ZNF675: variants seen among roughly 807,000 people sequenced by gnomAD.
ZNF675 encodes zinc finger protein 675.
Under a neutral mutation model 56.1 loss-of-function variants are expected in ZNF675, and 36 were observed. The observed-to-expected ratio is 0.64, with a 90% CI of 0.49 to 0.85. The LOEUF (loss-of-function observed/expected upper bound fraction) is 0.85. ZNF675 is among the 40% of genes least tolerant of loss of function. ZNF675 has a pLI of 0.00. For missense variants in ZNF675, 663 were observed against 654.2 expected, an observed-to-expected ratio of 1.01 and a Z score of -0.15; for synonymous variants, 200 against 218.9, an observed-to-expected ratio of 0.91 and a Z score of 0.76.
intron 3 of ZNF675, among the ~76,000 whole-genome samples, chr19:23,661,214 C>G (rs975752532): frequency 6.6e-6 from 1 of 152,074 alleles, no homozygotes; most frequent in Non-Finnish European, 1.5e-5. Context: ...AGCAGTTTCT[C>G]AGAAAGCTTC....
intron 1 of ZNF675, among the ~76,000 whole-genome samples, chr19:23,679,445 C>T (rs1334198742): frequency 6.6e-6 from 1 of 151,328 alleles, no homozygotes; most frequent in African/African-American, 2.4e-5. Context: ...TGGAAGATAA[C>T]CTAGGAAATA....
At chr19:23,666,398 C>A (rs1968151221) in intron 1 of ZNF675, among the ~76,000 whole-genome samples, 1 of 152,210 alleles carries the variant, frequency 6.6e-6, no homozygotes, top group Non-Finnish European at 1.5e-5. Context: ...TGCAACTAAT[C>A]AGAGCAATTG....
chr19:23,666,032 A>G (rs1968146640), intron 1 of ZNF675, among the ~76,000 whole-genome samples: 1 of 152,234 alleles, frequency 6.6e-6, no homozygotes, highest in Non-Finnish European at 1.5e-5. Flanking sequence ...TGTGGAAACC[A>G]TGAGGTACAC....
In ZNF675 at chr19:23,653,098, T is replaced by C. The variant is rs1967931984; in HGVS notation, c.*128A>G. 1.1e-6 allele frequency: 1 copy of C among 871,196 alleles called. No homozygotes were observed. The highest frequency in any genetic ancestry group is 3.1e-5 in the Admixed American group (1 of 32,170). The allele number at this position is 871,196 out of a possible 1,614,324, so 54.0% of individuals were successfully genotyped here. On this transcript the variant is annotated 3_prime_UTR_variant, in exon 4 of 4. Coordinates refer to ENST00000359788, the MANE Select transcript of ZNF675 (RefSeq NM_138330.3). ...CACTTGTAGTTTTCTCCAGTATGAA[T>C]TATCTTACATACAATGAAGTGTGAA...
chr19:23,674,555 A>G (rs1394004603), intron 1 of ZNF675, among the ~76,000 whole-genome samples: 1 of 151,100 alleles, frequency 6.6e-6, no homozygotes, highest in Non-Finnish European at 1.5e-5. Flanking sequence ...AGGCAGGAGA[A>G]TCACTTGAAC....
chr19:23,683,236 C>T (rs1968400032), intron 1 of ZNF675, among the ~76,000 whole-genome samples: 1 of 151,026 alleles, frequency 6.6e-6, no homozygotes, highest in Non-Finnish European at 1.5e-5. Context: ...CATATGAGAA[C>T]ACTTCTAGGA....
At chr19:23,656,752 A>G (rs998246968) in intron 3 of ZNF675, 58 of 132,228 alleles carry the variant, frequency 4.4e-4, no homozygotes, top group African/African-American at 1.5e-3. Flanking sequence ...AATGGATACT[A>G]TATGATTCCA....
At chr19:23,682,358 T>C (rs1225173220) in intron 1 of ZNF675, among the ~76,000 whole-genome samples, 3 of 151,914 alleles carry the variant, frequency 2.0e-5, no homozygotes, top group Non-Finnish European at 4.4e-5. Flanking sequence ...AACTTTGCAA[T>C]AATAGTTGGT....
intron 1 of ZNF675, among the ~76,000 whole-genome samples, chr19:23,670,441 C>T (rs991334118): frequency 2.0e-5 from 3 of 151,366 alleles, no homozygotes; most frequent in Admixed American, 6.6e-5. Context: ...CCAGAACCTA[C>T]CCCCCAAAGG....
At chr19:23,656,878 A>G (rs185810564) in intron 3 of ZNF675, 1 of 152,290 alleles carries the variant, frequency 6.6e-6, no homozygotes, top group East Asian at 1.9e-4. Context: ...TAGTTTCACA[A>G]GATGAAAAAT....
intron 3 of ZNF675, chr19:23,656,739 C>A: frequency 1.3e-4 from 1 of 7,608 alleles, no homozygotes; most frequent in East Asian, 0.25. Context: ...AAGCCAGTAA[C>A]AAAATGGATA....
At chr19:23,664,093 A>C (rs1327610892) in intron 1 of ZNF675, among the ~76,000 whole-genome samples, 1 of 152,206 alleles carries the variant, frequency 6.6e-6, no homozygotes, top group African/African-American at 2.4e-5. Context: ...AAACAAATTC[A>C]TTAGGGAGAA....
rs1967930884 is a variant in ZNF675, at chr19:23,652,981, ACT to A, written c.*243_*244del. Reference sequence around the variant, plus strand: ...CAACAGATATTAATGGCTATTTTACACTCTTTATATTTGTACAATTTTTCTTA... The same window carrying A: ...CAACAGATATTAATGGCTATTTTACACTTTATATTTGTACAATTTTTCTTA... On this transcript the variant is annotated 3_prime_UTR_variant, in exon 4 of 4. Coordinates refer to ENST00000359788, the MANE Select transcript of ZNF675 (RefSeq NM_138330.3). 2.9e-6 allele frequency: 1 copy of A among 345,472 alleles called. No individual in the cohort carries two copies. Among genetic ancestry groups the A allele is most frequent in the African/African-American group, 2.1e-5 (1 of 47,504 alleles). The allele number at this position is 345,472 out of a possible 1,614,324, so 21.4% of individuals were successfully genotyped here.
At chr19:23,677,876 T>C (rs1342195696) in intron 1 of ZNF675, among the ~76,000 whole-genome samples, 1 of 151,492 alleles carries the variant, frequency 6.6e-6, no homozygotes, top group Non-Finnish European at 1.5e-5. Context: ...TCCCAGCACT[T>C]TGGGAGGCCG....
chr19:23,678,383 C>T (rs12975888), intron 1 of ZNF675, among the ~76,000 whole-genome samples: 75,331 of 150,220 alleles, frequency 0.5, 20,858 homozygotes, highest in Non-Finnish European at 0.62. Flanking sequence ...CCCAAGTAGC[C>T]GGATTACAGG....
chr19:23,658,908 G>GATATATATCTATAGATATCT (rs1238598265), intron 3 of ZNF675, among the ~76,000 whole-genome samples: 27 of 25,210 alleles, frequency 1.1e-3, no homozygotes, highest in African/African-American at 3.8e-3. Context: ...GATATCTATA[G>GATATATATCTATAGATATCT]ATAGATATAG....
chr19:23,660,331 T>C (rs937519430), intron 3 of ZNF675, among the ~76,000 whole-genome samples: 1 of 152,218 alleles, frequency 6.6e-6, no homozygotes, highest in African/African-American at 2.4e-5. Flanking sequence ...AAAACTATAT[T>C]GTGCCCATTG....
intron 1 of ZNF675, among the ~76,000 whole-genome samples, chr19:23,666,957 G>A (rs976249031): frequency 6.6e-6 from 1 of 152,064 alleles, no homozygotes; most frequent in Non-Finnish European, 1.5e-5. Flanking sequence ...CTTTTTCTGA[G>A]ACTGTGTCCG....
At chr19:23,669,912 C>G (rs372364428) in intron 1 of ZNF675, among the ~76,000 whole-genome samples, 1 of 151,582 alleles carries the variant, frequency 6.6e-6, no homozygotes, top group African/African-American at 2.4e-5. Context: ...GTGGAGGGAA[C>G]CATTCTAAAG....
Sources: gnomAD v4.1 joint callset for allele counts (sites outside exome capture counted in the v4.1 genomes callset) on GRCh38, gnomAD v4.1.1 for gene constraint, MANE v1.5 for transcripts, NCBI Gene and HGNC (gene_info 2026-07-23, HGNC 2026-07-21) for gene names.